DDB1: variants seen among roughly 807,000 people sequenced by gnomAD.
DDB1 encodes the protein damage specific DNA binding protein 1.
A neutral mutation model predicts 133.1 loss-of-function variants in DDB1; 18 were observed. The ratio of observed to expected loss-of-function variants is 0.14; its 90% CI spans 0.09 to 0.20. DDB1 has a LOEUF of 0.20. DDB1 is among the 10% of genes least tolerant of loss of function. The pLI is 1.00. For missense variants in DDB1, 828 were observed against 1,459.2 expected, an observed-to-expected ratio of 0.57 and a Z score of 7.05; for synonymous variants, 580 against 550.5, an observed-to-expected ratio of 1.05 and a Z score of -0.75.
In DDB1 at chr11:61,299,694, C is replaced by T. The variant is rs28720366; in HGVS notation, c.*442G>A. ...AGGTCTCACTTCACAGACAATGAAACCCTCCTAACCCTCTTCCCCACTACC... is the reference window on the plus strand; with the variant it reads ...AGGTCTCACTTCACAGACAATGAAATCCTCCTAACCCTCTTCCCCACTACC... On this transcript the variant is annotated 3_prime_UTR_variant, in exon 27 of 27. Transcript: ENST00000301764. 564 of 178,114 alleles carry T rather than the reference C, an allele frequency of 3.2e-3. 5 individuals are homozygous for T. The highest frequency in any genetic ancestry group is 0.013 in the African/African-American group (542 of 42,062). 11.0% of individuals were successfully genotyped at this position (178,114 alleles called of 1,614,324 possible).
chr11:61,310,327 T>C lies in DDB1; in HGVS notation c.2369A>G (p.Asn790Ser), dbSNP rs1855943918. 1 of 1,612,108 alleles carries C rather than the reference T, an allele frequency of 6.2e-7. No individual in the cohort carries two copies. Among genetic ancestry groups the C allele is most frequent in the African/African-American group, 1.3e-5 (1 of 74,842 alleles). The change falls in exon 19 of 27, where the codon AAC (asparagine) becomes AGC (serine). Residue 790 changes from asparagine to serine, a missense_variant. By Grantham distance (46) the Asn-to-Ser change is conservative. This residue lies in a region of DDB1 where 396 missense variants were observed against 554.1 expected (regional missense o/e 0.71). Transcript: ENST00000301764. ...TSFGEEVEVH[N>S]LLIIDQHTFE... is the part of the protein sequence containing the mutation. ...GGTGTGTTGGTCAATGATAAGTAGGTTGTGCACCTCCACCTCTTCTCCAAA... is the reference window on the plus strand; with the variant it reads ...GGTGTGTTGGTCAATGATAAGTAGGCTGTGCACCTCCACCTCTTCTCCAAA...
Position 61,316,585 on chromosome 11 carries a change from G to A in DDB1, c.1226-18C>T, listed in dbSNP as rs199780561. On this transcript the variant is annotated intron_variant, in intron 10 of 26. Transcript: ENST00000301764. ...CCATAATCCTGGAACAAGGACCAAG[G>A]ATTCAGATGCATAGGACAGACCAAC... 2.5e-6 allele frequency: 4 copies of A among 1,613,726 alleles called. No individual in the cohort carries two copies. Among genetic ancestry groups the A allele is most frequent in the Non-Finnish European group, 3.4e-6 (4 of 1,179,802 alleles).
chr11:61,323,097 G>A lies in DDB1; in HGVS notation c.922-3C>T. 3 of 1,613,450 alleles carry A rather than the reference G, an allele frequency of 1.9e-6. No homozygotes were observed. The highest frequency in any genetic ancestry group is 2.5e-6 in the Non-Finnish European group (3 of 1,179,736). On this transcript the variant is annotated splice_polypyrimidine_tract_variant and splice_region_variant and intron_variant, in intron 7 of 26. Coordinates refer to ENST00000301764, the MANE Select transcript of DDB1 (RefSeq NM_001923.5). The stretch of plus-strand genomic sequence containing the variant: ...GTCAAGCACTCAGCAATAGAGGTCT[G>A]GAAGAAAGTCAGCAACGTGAAAGAA...
At chr11:61,324,598 TCA>T (rs1229869006) in intron 6 of DDB1, among the ~76,000 whole-genome samples, 1 of 152,148 alleles carries the variant, frequency 6.6e-6, no homozygotes, top group African/African-American at 2.4e-5. Flanking sequence ...ACAGGCATGA[TCA>T]CAGTGCACTG....
chr11:61,314,665 T>A, intron 12 of DDB1, 179 bp from the exon 13 acceptor site: 2 of 619,162 alleles, frequency 3.2e-6, no homozygotes, highest in Non-Finnish European at 5.3e-6. Flanking sequence ...CATGAATGCC[T>A]GAAGGAGGCC....
chr11:61,309,113 G>A (rs1219608533), intron 20 of DDB1, 36 bp from the exon 21 acceptor site: 3 of 1,591,392 alleles, frequency 1.9e-6, no homozygotes, highest in Non-Finnish European at 2.6e-6. Flanking sequence ...GTCTCTATGA[G>A]CCCACACTTT....
intron 23 of DDB1, 47 bp downstream of exon 23, chr11:61,302,999 G>A: frequency 1.3e-6 from 2 of 1,552,708 alleles, no homozygotes; most frequent in Non-Finnish European, 1.8e-6. Context: ...CAGAGACCAA[G>A]GAACTCCCAG....
At chr11:61,327,625 G>C (rs1443717452) in intron 4 of DDB1, 1 of 152,150 alleles carries the variant, frequency 6.6e-6, no homozygotes, top group East Asian at 1.9e-4. Flanking sequence ...ACAATTGATT[G>C]CTCCGCTAAA....
At chr11:61,320,258 T>C (rs971715134) in intron 10 of DDB1, among the ~76,000 whole-genome samples, 3 of 151,960 alleles carry the variant, frequency 2.0e-5, no homozygotes, top group African/African-American at 7.3e-5. Flanking sequence ...TGTAGTGCAG[T>C]GGCGCAGTCT....
In DDB1 at chr11:61,302,039, C is replaced by T. The variant is rs184167072; in HGVS notation, c.3215+218G>A. 1.6e-4 allele frequency: 70 copies of T among 447,356 alleles called. 1 individual carries two copies. The highest frequency in any genetic ancestry group is 2.5e-4 in the Non-Finnish European group (61 of 246,602). 27.7% of individuals were successfully genotyped at this position (447,356 alleles called of 1,614,324 possible). A position where few individuals can be genotyped will look rare whatever the true frequency, so the allele number is the denominator to read the frequency against. ...AATGTACATTTCCAAGATGGACCAGCGGAAGCTAGGTGATAAGTACTTTGG... is the reference window on the plus strand; with the variant it reads ...AATGTACATTTCCAAGATGGACCAGTGGAAGCTAGGTGATAAGTACTTTGG... On this transcript the variant is annotated intron_variant, in intron 25 of 26. Transcript: ENST00000301764.
At position 61,331,657 on chromosome 11, in the gene DDB1, C is replaced by T; in HGVS notation, c.96G>A (p.Leu32=). Residue 32 remains leucine (L), a synonymous_variant, in exon 2 of 27, where the codon TTG becomes TTA. Coordinates refer to ENST00000301764, the MANE Select transcript of DDB1 (RefSeq NM_001923.5). Reference sequence around the variant, plus strand: ...TCTCTAATCTCGTGTTTTTGGCAATCAACAGGTTTAAGTCTTCGGCCGAAG... The same window carrying T: ...TCTCTAATCTCGTGTTTTTGGCAATTAACAGGTTTAAGTCTTCGGCCGAAG... ...HFTSAEDLNL[L]IAKNTRLEIY... 1 of 1,614,140 alleles carries T rather than the reference C, an allele frequency of 6.2e-7. No homozygotes were observed. Among genetic ancestry groups the T allele is most frequent in the Non-Finnish European group, 8.5e-7 (1 of 1,180,030 alleles).
rs781465869 is a variant in DDB1 at position 61,326,875 on chromosome 11, C to T, written c.568G>A (p.Val190Ile). The change falls in exon 5 of 27, where the codon GTA becomes ATA. Residue 190 changes from valine to isoleucine, a missense_variant. By Grantham distance (29) the Val-to-Ile change is conservative (BLOSUM62 3). Around this residue, in one of 7 missense-constraint regions of DDB1, gnomAD observed 210 missense variants for 344.8 expected, o/e 0.61. Transcript: ENST00000301764. ...CGGAGAGACACCTCATAGGTTTTTACGTGCCGCCCCTGAGGGTCCTGGGGG... is the reference window on the plus strand; with the variant it reads ...CGGAGAGACACCTCATAGGTTTTTATGTGCCGCCCCTGAGGGTCCTGGGGG... ...FVYQDPQGRH[V>I]KTYEVSLREK... 3.7e-6 allele frequency: 6 copies of T among 1,613,994 alleles called. No homozygotes were observed. The highest frequency in any genetic ancestry group is 5.1e-6 in the Non-Finnish European group (6 of 1,179,946).
At chr11:61,330,603 A>T (rs1015827943) in intron 2 of DDB1, among the ~76,000 whole-genome samples, 2 of 152,038 alleles carry the variant, frequency 1.3e-5, no homozygotes. Flanking sequence ...TGTGGTGGTG[A>T]TTTGGATGAA....
Position 61,331,527 on chromosome 11 carries a change from C to T in DDB1, c.210+16G>A. On this transcript the variant is annotated intron_variant, in intron 2 of 26. Coordinates refer to ENST00000301764, the MANE Select transcript of DDB1 (RefSeq NM_001923.5). ...ACAGTTCCCCCTCCACTGCTTGTCC[C>T]AACTGCAACACTTACCTTGGGCCTG... is the stretch of plus-strand genomic sequence containing the variant. 6.2e-7 allele frequency: 1 copy of T among 1,610,546 alleles called. No homozygotes were observed. The highest frequency in any genetic ancestry group is 8.5e-7 in the Non-Finnish European group (1 of 1,177,032).
At chr11:61,312,144 G>T (rs1195060537) in intron 16 of DDB1, 60 bp from the exon 17 acceptor site, 8 of 1,476,310 alleles carry the variant, frequency 5.4e-6, no homozygotes, top group South Asian at 1.1e-5. Context: ...GATTCTATGA[G>T]GCAACTCCAC....
intron 12 of DDB1, chr11:61,315,769 GC>G (rs906595235): frequency 6.5e-6 from 1 of 152,886 alleles, no homozygotes; most frequent in African/African-American, 2.4e-5. Flanking sequence ...AAGGCTATCT[GC>G]CCCCGTATTG....
At chr11:61,303,411 G>A (rs555589137) in intron 22 of DDB1, 17 of 408,524 alleles carry the variant, frequency 4.2e-5, no homozygotes, top group East Asian at 2.1e-4. Flanking sequence ...AATCAGGGCC[G>A]GGCACAGTGG....
At chr11:61,319,363 C>T (rs1856139203) in intron 10 of DDB1, among the ~76,000 whole-genome samples, 2 of 152,188 alleles carry the variant, frequency 1.3e-5, no homozygotes, top group Non-Finnish European at 2.9e-5. Context: ...CAATACTACA[C>T]TTCTAATTAT....
chr11:61,302,457 CTAA>C, intron 24 of DDB1, 98 bp from the exon 25 acceptor site: 1 of 1,565,490 alleles, frequency 6.4e-7, no homozygotes, highest in Non-Finnish European at 8.8e-7. Context: ...TCAGGGAGGG[CTAA>C]TGTGCTGCAG....
Sources: allele counts gnomAD v4.1 joint callset (sites outside exome capture counted in the v4.1 genomes callset), GRCh38; gene constraint gnomAD v4.1.1; regional missense constraint gnomAD v4.1.1; transcripts MANE v1.5; gene names NCBI Gene and HGNC (gene_info 2026-07-23, HGNC 2026-07-21).